The following RASSF1 variants were observed in gnomAD, a reference collection of about 807,000 sequenced individuals.
RASSF1 encodes ras association domain-containing protein 1.
A neutral mutation model predicts 34.3 loss-of-function variants in RASSF1; 33 were observed. The observed-to-expected ratio is 0.96, with a 90% confidence interval of 0.73 to 1.29. The LOEUF (loss-of-function observed/expected upper bound fraction) is 1.29. Among genes scored for constraint, RASSF1 ranks in the 50% most tolerant of loss-of-function variants. The pLI, the probability that RASSF1 is intolerant of heterozygous loss-of-function variation, is 0.00. For synonymous variants in RASSF1, 191 were observed against 195.0 expected (o/e 0.98, Z 0.17); for missense variants, 445 against 471.8 (o/e 0.94, Z 0.53).
rs587734511 is a variant in RASSF1, at chr3:50,330,654, C to T, written c.950G>A (p.Arg317His). ...ATAGGAGTACTTCTGCAGGATCTGGCGGAGGTGCTCCTCCTCCTCCCGCTG... is the reference window on the plus strand; with the variant it reads ...ATAGGAGTACTTCTGCAGGATCTGGTGGAGGTGCTCCTCCTCCTCCCGCTG... ...ILQREEEEHLRQILQKYSYCR... is the reference protein window; with the variant it reads ...ILQREEEEHLHQILQKYSYCR... The change falls in exon 6 of 6, where the codon CGC (arginine) becomes CAC (histidine). Residue 317 changes from arginine to histidine, a missense_variant. Arg to His is a conservative substitution (Grantham distance 29, BLOSUM62 0). Transcript: ENST00000359365. The surrounding 1 kb of genome is among the most constrained non-coding windows in gnomAD (Gnocchi z 4.5). The T allele has an allele frequency of 1.4e-5, 22 of 1,614,004 alleles. No homozygotes were observed. The highest frequency in any genetic ancestry group is 8.9e-5 in the East Asian group (4 of 44,890).
intron 2 of RASSF1, chr3:50,336,774 C>G: frequency 5.0e-6 from 1 of 201,792 alleles, no homozygotes; most frequent in South Asian, 8.4e-5. Flanking sequence ...CAATTCCTGG[C>G]GAGGACTCTT....
chr3:50,339,944 A>G (rs1375191479), intron 1 of RASSF1, among the ~76,000 whole-genome samples: 1 of 152,222 alleles, frequency 6.6e-6, no homozygotes, highest in Admixed American at 6.5e-5. Context: ...GGAGGACTGT[A>G]AAAGCACCCC....
rs868792190 is a variant in RASSF1 at position 50,337,504 on chromosome 3, G to A, written c.357+401C>T. 3 of 1,530,884 alleles carry A rather than the reference G, an allele frequency of 2.0e-6. No individual in the cohort carries two copies. In the Middle Eastern group the frequency reaches 5.0e-4, roughly 257 times the overall value. 94.8% of individuals were successfully genotyped at this position (1,530,884 alleles called of 1,614,324 possible). A position where few individuals can be genotyped will look rare whatever the true frequency, so the allele number is the denominator to read the frequency against. ...TGTCTCATTGGGGCAGGAACGCCGG[G>A]GCGGGGACACGCACGCTTCGCCCCC... is the stretch of plus-strand genomic sequence containing the variant. On this transcript the variant is annotated intron_variant, in intron 2 of 5. Transcript: ENST00000359365.
At position 50,334,202 on chromosome 3, in the gene RASSF1, C is replaced by A. The variant is rs1703045220; in HGVS notation, c.358-2048G>T. Among the ~76,000 whole-genome samples, 3 of 152,206 alleles carry A rather than the reference C, an allele frequency of 2.0e-5. No individual in the cohort carries two copies. The South Asian group carries it at 6.2e-4, about 32-fold the overall frequency. The stretch of plus-strand genomic sequence containing the variant: ...TCCTTACCCAGAACCCGCTGCTATT[C>A]TGCAGCCAGCAAGGATGTGGGGCTA... On this transcript the variant is annotated intron_variant, in intron 2 of 5. Coordinates refer to ENST00000359365, the MANE Select transcript of RASSF1 (RefSeq NM_007182.5).
chr3:50,340,715 C>G lies in RASSF1; in HGVS notation c.91G>C (p.Ala31Pro). 6.6e-7 allele frequency: 1 copy of G among 1,524,922 alleles called. No homozygotes were observed. The highest frequency in any genetic ancestry group is 8.7e-7 in the Non-Finnish European group (1 of 1,146,282). 94.5% of individuals were successfully genotyped at this position (1,524,922 alleles called of 1,614,324 possible). ...KGRTRLERAN[A>P]LRIARGTACN... ...GCGGTGCCCCGCGCGATGCGCAGCG[C>G]GTTGGCACGCTCCAGCCGGGTGCGG... is the stretch of plus-strand genomic sequence containing the variant. Residue 31 changes from alanine (A) to proline (P), a missense_variant, in exon 1 of 6, where the codon GCG (alanine) becomes CCG (proline). Coordinates refer to ENST00000359365, the MANE Select transcript of RASSF1 (RefSeq NM_007182.5).
intron 2 of RASSF1, among the ~76,000 whole-genome samples, chr3:50,333,597 C>T (rs1703020739): frequency 6.6e-6 from 1 of 152,050 alleles, no homozygotes; most frequent in South Asian, 2.1e-4. Flanking sequence ...CTGCCTCAGA[C>T]TCCCGAGTAG....
At chr3:50,332,488 C>G (rs960228822) in intron 2 of RASSF1, among the ~76,000 whole-genome samples, 3 of 152,200 alleles carry the variant, frequency 2.0e-5, no homozygotes, top group Non-Finnish European at 2.9e-5. Context: ...GAGGGACTCT[C>G]ATTTAAAGTA....
rs746723649 is a variant in RASSF1 at position 50,332,024 on chromosome 3, G to A, written c.462+26C>T. 8.7e-6 allele frequency: 14 copies of A among 1,607,720 alleles called. No homozygotes were observed. The East Asian group carries it at 2.2e-4, about 26-fold the overall frequency. On this transcript the variant is annotated intron_variant, in intron 3 of 5. Coordinates refer to ENST00000359365, the MANE Select transcript of RASSF1 (RefSeq NM_007182.5). ...TAGCTGGGTACCTGCTCCTCCCCAC[G>A]CCCCCTTCCTGAGCAGTCAACTCAC...
At chr3:50,340,374 G>C (rs138277727) in intron 1 of RASSF1, among the ~76,000 whole-genome samples, 182 bp downstream of exon 1, 66 of 152,350 alleles carry the variant, frequency 4.3e-4, no homozygotes, top group African/African-American at 1.5e-3. Flanking sequence ...GCCCAGATAC[G>C]AGTGGAGTGC....
At chr3:50,334,822 T>G (rs912266640) in intron 2 of RASSF1, among the ~76,000 whole-genome samples, 4 of 152,162 alleles carry the variant, frequency 2.6e-5, no homozygotes, top group African/African-American at 9.7e-5. Flanking sequence ...GAGTTTCTTT[T>G]TCTGTTTCCA....
intron 2 of RASSF1, chr3:50,337,538 C>A (rs1391472578): frequency 3.3e-6 from 5 of 1,498,940 alleles, no homozygotes; most frequent in Non-Finnish European, 4.5e-6. Context: ...CCAGGAATGA[C>A]CTCATCGCTC....
chr3:50,330,859 G>A lies in RASSF1; in HGVS notation c.877-132C>T. The A allele has an allele frequency of 1.9e-6, 2 of 1,071,390 alleles. No homozygotes were observed. The highest frequency in any genetic ancestry group is 1.3e-6 in the Non-Finnish European group (1 of 756,918). 66.4% of individuals were successfully genotyped at this position (1,071,390 alleles called of 1,614,324 possible). Reference sequence around the variant, plus strand: ...GCTTTCTGATGTCAGGCTCTTGGCTGAATGATCTCTGGTAGGATCCCTGAC... The same window carrying A: ...GCTTTCTGATGTCAGGCTCTTGGCTAAATGATCTCTGGTAGGATCCCTGAC... On this transcript the variant is annotated intron_variant, in intron 5 of 5. Transcript: ENST00000359365. This position sits in a 1 kb window ranked among gnomAD's most constrained non-coding sequence, Gnocchi z 4.5.
At position 50,332,151 on chromosome 3, in the gene RASSF1, C is replaced by T. The variant is rs1352139058; in HGVS notation, c.361G>A (p.Glu121Lys). 25 of 1,614,102 alleles carry T rather than the reference C, an allele frequency of 1.5e-5. No individual in the cohort carries two copies. The highest frequency in any genetic ancestry group is 3.3e-5 in the Admixed American group (2 of 60,022). Residue 121 changes from glutamate to lysine, a missense_variant, in exon 3 of 6, where the codon GAG becomes AAG. Transcript: ENST00000359365. ...PAVERDTNVD[E>K]PVEWETPDLS... ...TCAGGTGTCTCCCACTCCACAGGCTCGTCCTGCAAGATGGGCCAGCATGGA... is the reference window on the plus strand; with the variant it reads ...TCAGGTGTCTCCCACTCCACAGGCTTGTCCTGCAAGATGGGCCAGCATGGA...
At position 50,330,248 on chromosome 3, in the gene RASSF1, T is replaced by G. The variant is rs1443881036; in HGVS notation, c.*333A>C. ...CACCCCTGCAAACATGACCCTGTTC[T>G]GTTTGCAGGGTCTCCAAGATTTTCA... On this transcript the variant is annotated 3_prime_UTR_variant, in exon 6 of 6. Coordinates refer to ENST00000359365, the MANE Select transcript of RASSF1 (RefSeq NM_007182.5). This position sits in a 1 kb window ranked among gnomAD's most constrained non-coding sequence, Gnocchi z 4.5. The G allele has an allele frequency of 3.7e-6, 1 of 272,994 alleles. No individual in the cohort carries two copies. The highest frequency in any genetic ancestry group is 2.2e-5 in the African/African-American group (1 of 45,220). The allele number at this position is 272,994 out of a possible 1,614,324, so 16.9% of individuals were successfully genotyped here.
At chr3:50,333,630 C>A (rs756928663) in intron 2 of RASSF1, among the ~76,000 whole-genome samples, 12 of 152,142 alleles carry the variant, frequency 7.9e-5, no homozygotes, top group Admixed American at 1.3e-4. Flanking sequence ...GCGCGTGCCA[C>A]AACAACACCC....
intron 2 of RASSF1, among the ~76,000 whole-genome samples, chr3:50,333,665 AGATGG>A (rs1703024396): frequency 6.6e-6 from 1 of 152,102 alleles, no homozygotes; most frequent in Non-Finnish European, 1.5e-5. Flanking sequence ...TTTTTAGTAG[AGATGG>A]GATTTCACCA....
At chr3:50,337,498 C>G in intron 2 of RASSF1, 1 of 1,533,090 alleles carries the variant, frequency 6.5e-7, no homozygotes, top group South Asian at 1.2e-5. Context: ...GGGGCAGGAA[C>G]GCCGGGGCGG....
chr3:50,331,509 G>A, intron 4 of RASSF1, 50 bp downstream of exon 4: 1 of 1,567,440 alleles, frequency 6.4e-7, no homozygotes, highest in East Asian at 2.3e-5. Context: ...GCATGCTCAG[G>A]TGCATGCGTA....
At chr3:50,339,944 A>C (rs1375191479) in intron 1 of RASSF1, among the ~76,000 whole-genome samples, 3 of 152,222 alleles carry the variant, frequency 2.0e-5, no homozygotes, top group Non-Finnish European at 4.4e-5. Context: ...GGAGGACTGT[A>C]AAAGCACCCC....
Sources: allele counts gnomAD v4.1 joint callset (sites outside exome capture counted in the v4.1 genomes callset), GRCh38; gene constraint gnomAD v4.1.1; non-coding constraint Gnocchi (gnomAD v3.1); transcripts MANE v1.5; gene names NCBI Gene and HGNC (gene_info 2026-07-23, HGNC 2026-07-21).